Variants in ZNF407 observed in about 807,000 individuals in gnomAD.
ZNF407 encodes zinc finger protein 407.
In ZNF407, 17 loss-of-function variants were observed where a neutral mutation model predicts 131.2. That is an observed-to-expected ratio of 0.13 (90% CI 0.09 to 0.19). The LOEUF is 0.19. ZNF407 is among the 10% of genes least tolerant of loss of function. The pLI is 1.00. For synonymous variants in ZNF407, 1,156 were observed against 1,062.0 expected, an observed-to-expected ratio of 1.09 and a Z score of -1.72; for missense variants, 2,681 against 2,830.6, an observed-to-expected ratio of 0.95 and a Z score of 1.20.
chr18:74,912,858 A>G (rs546935161), intron 7 of ZNF407, among the ~76,000 whole-genome samples: 1 of 152,370 alleles, frequency 6.6e-6, no homozygotes, highest in South Asian at 2.1e-4. Flanking sequence ...TAAGAGAATG[A>G]CCAACAATCA....
chr18:74,840,329 C>G (rs1970615021), intron 4 of ZNF407, among the ~76,000 whole-genome samples: 1 of 152,006 alleles, frequency 6.6e-6, no homozygotes, highest in South Asian at 2.1e-4. Flanking sequence ...TGTCAGTGGT[C>G]TCTGTGGGCC....
At chr18:74,685,198 C>CTATT (rs1200031870) in intron 3 of ZNF407, among the ~76,000 whole-genome samples, 1 of 151,758 alleles carries the variant, frequency 6.6e-6, no homozygotes, top group East Asian at 1.9e-4. Context: ...TTTTAATTGT[C>CTATT]TATTTTTTTT....
intron 8 of ZNF407, among the ~76,000 whole-genome samples, chr18:75,005,703 CCCCCA>C: frequency 9.5e-6 from 1 of 104,770 alleles, no homozygotes. Flanking sequence ...CCCGCCACCC[CCCCCA>C]CCCACCCCCC....
At chr18:74,615,119 C>T (rs1983229929) in intron 1 of ZNF407, among the ~76,000 whole-genome samples, 1 of 152,214 alleles carries the variant, frequency 6.6e-6, no homozygotes. Context: ...AAAGACAGAG[C>T]TTCAAGGTGG....
At chr18:74,832,143 A>G (rs1970494028) in intron 4 of ZNF407, among the ~76,000 whole-genome samples, 1 of 152,132 alleles carries the variant, frequency 6.6e-6, no homozygotes, top group African/African-American at 2.4e-5. Context: ...TTACACCTTG[A>G]GGCATGATTT....
At chr18:74,935,011 A>G (rs1031629095) in intron 8 of ZNF407, among the ~76,000 whole-genome samples, 5 of 152,204 alleles carry the variant, frequency 3.3e-5, no homozygotes, top group Admixed American at 3.3e-4. Flanking sequence ...GAGTGACAAG[A>G]GTATCCCAAG....
chr18:74,648,799 C>T (rs1281778211), intron 3 of ZNF407, among the ~76,000 whole-genome samples: 1 of 152,178 alleles, frequency 6.6e-6, no homozygotes, highest in Non-Finnish European at 1.5e-5. Flanking sequence ...GTAATTGTTT[C>T]CATACTTGAT....
In ZNF407 at chr18:74,768,013, C is replaced by CAT. The variant is rs375738229; in HGVS notation, c.4803-13406_4803-13405dup. On this transcript the variant is annotated intron_variant, in intron 3 of 8. Coordinates refer to ENST00000299687, the MANE Select transcript of ZNF407 (RefSeq NM_017757.3). ...AAAATAATTTAATATATTTTCTCTG[C>CAT]ATATATATATTGAATGTGTATGGTG... Among the ~76,000 whole-genome samples, 244 of 152,010 alleles carry CAT rather than the reference C, an allele frequency of 1.6e-3. 2 individuals carry two copies. Among genetic ancestry groups the CAT allele is most frequent in the Non-Finnish European group, 3.0e-3 (202 of 67,976 alleles).
chr18:74,816,723 C>A (rs1428749183), intron 4 of ZNF407, among the ~76,000 whole-genome samples: 2 of 152,104 alleles, frequency 1.3e-5, no homozygotes, highest in Non-Finnish European at 2.9e-5. Flanking sequence ...AGTACCTAAT[C>A]TGTATAAATT....
chr18:74,616,793 C>CCACACA (rs1983308126), intron 1 of ZNF407, among the ~76,000 whole-genome samples: 1 of 118,240 alleles, frequency 8.5e-6, no homozygotes, highest in Non-Finnish European at 1.9e-5. Context: ...TATCCACGCA[C>CCACACA]CATACACATC....
chr18:74,632,624 A>G lies in ZNF407; in HGVS notation c.1605A>G (p.Gln535=), dbSNP rs755942873. 3 of 1,613,960 alleles carry G rather than the reference A, an allele frequency of 1.9e-6. No individual in the cohort carries two copies. The South Asian group carries it at 3.3e-5, about 18-fold the overall frequency. ...TGTGTGCTTGTACAGACTGTGGGCA[A>G]GTAGCTACAAATAGGACAGATTTGG... ...QTLCACTDCG[Q]VATNRTDLEI... The change falls in exon 2 of 9, where the codon CAA becomes CAG. Residue 535 remains glutamine, a synonymous_variant. Coordinates refer to ENST00000299687, the MANE Select transcript of ZNF407 (RefSeq NM_017757.3).
intron 4 of ZNF407, among the ~76,000 whole-genome samples, chr18:74,862,225 G>A (rs1004481685): frequency 6.6e-6 from 1 of 152,194 alleles, no homozygotes; most frequent in Non-Finnish European, 1.5e-5. Flanking sequence ...AGGAAACCTA[G>A]GTCCTAGAGC....
At chr18:75,056,646 G>A (rs1370977776) in intron 8 of ZNF407, among the ~76,000 whole-genome samples, 1 of 152,120 alleles carries the variant, frequency 6.6e-6, no homozygotes, top group African/African-American at 2.4e-5. Flanking sequence ...GAGTCCAGTG[G>A]GAGCTCTGTA....
chr18:74,911,539 G>A (rs1971670810), intron 7 of ZNF407, among the ~76,000 whole-genome samples: 1 of 152,056 alleles, frequency 6.6e-6, no homozygotes, highest in Admixed American at 6.5e-5. Context: ...ACTGTTTTGT[G>A]TTGTTGTTTT....
At chr18:74,851,027 G>A (rs553538049) in intron 4 of ZNF407, among the ~76,000 whole-genome samples, 249 of 152,288 alleles carry the variant, frequency 1.6e-3, no homozygotes, top group Middle Eastern at 0.014. Flanking sequence ...CCTGTCTGCT[G>A]TTACTTACGG....
intron 8 of ZNF407, among the ~76,000 whole-genome samples, chr18:74,955,305 G>A (rs1972263053): frequency 6.6e-6 from 1 of 152,176 alleles, no homozygotes; most frequent in Non-Finnish European, 1.5e-5. Context: ...GTTTAATTCT[G>A]GGGCATGGGG....
chr18:74,941,088 T>TGCCCTGCTGCCATCCCTC (rs1411409117), intron 8 of ZNF407, among the ~76,000 whole-genome samples: 2 of 151,740 alleles, frequency 1.3e-5, no homozygotes, highest in Non-Finnish European at 2.9e-5. Flanking sequence ...GTCCTTGCCT[T>TGCCCTGCTGCCATCCCTC]GCCCTGCTGC....
intron 3 of ZNF407, among the ~76,000 whole-genome samples, chr18:74,663,588 A>G (rs982112545): frequency 6.6e-6 from 1 of 152,166 alleles, no homozygotes; most frequent in African/African-American, 2.4e-5. Flanking sequence ...TTTCACGATA[A>G]CAAACTGCGC....
At chr18:75,003,644 A>G (rs1022926163) in intron 8 of ZNF407, among the ~76,000 whole-genome samples, 3 of 152,230 alleles carry the variant, frequency 2.0e-5, no homozygotes, top group African/African-American at 7.2e-5. Context: ...GTCAAGATCA[A>G]CGAATGTAAG....
Sources: allele counts gnomAD v4.1 joint callset (sites outside exome capture counted in the v4.1 genomes callset), GRCh38; gene constraint gnomAD v4.1.1; transcripts MANE v1.5; gene names NCBI Gene and HGNC (gene_info 2026-07-23, HGNC 2026-07-21).